The following PREX1 variants were observed in gnomAD, a reference collection of about 807,000 sequenced individuals.
PREX1 encodes the protein phosphatidylinositol-3,4,5-trisphosphate dependent Rac exchange factor 1.
PREX1 carries 41 observed loss-of-function variants against 198.3 expected under a neutral mutation model. The observed-to-expected ratio is 0.21, with a 90% CI of 0.16 to 0.27. The LOEUF (loss-of-function observed/expected upper bound fraction) is 0.27. PREX1 is among the 10% of genes least tolerant of loss of function. PREX1 has a pLI of 1.00. For missense variants in PREX1, 1,620 were observed against 2,200.7 expected, an observed-to-expected ratio of 0.74 and a Z score of 5.28; for synonymous variants, 843 against 887.2, an observed-to-expected ratio of 0.95 and a Z score of 0.89.
At position 48,764,703 on chromosome 20, in the gene PREX1, A is replaced by G. The variant is rs185490544; in HGVS notation, c.220-16823T>C. Among the ~76,000 whole-genome samples the G allele has an allele frequency of 1.9e-3, 281 of 151,788 alleles. 1 individual carries two copies. The highest frequency in any genetic ancestry group is 2.3e-3 in the Non-Finnish European group (154 of 67,920). The stretch of plus-strand genomic sequence containing the variant: ...AGGCTGAGGCGTGAGAATTGCTTGA[A>G]CACGGGAAGCAGTGGTTGCAGTGAG... On this transcript the variant is annotated intron_variant, in intron 1 of 39. Transcript: ENST00000371941.
intron 14 of PREX1, among the ~76,000 whole-genome samples, chr20:48,673,962 G>A (rs181128760): frequency 2.6e-5 from 4 of 152,278 alleles, no homozygotes; most frequent in African/African-American, 9.6e-5. Flanking sequence ...ACTGAGGCCC[G>A]GACAGGCTGA....
At chr20:48,702,113 G>A (rs139222034) in intron 6 of PREX1, among the ~76,000 whole-genome samples, 1 of 151,906 alleles carries the variant, frequency 6.6e-6, no homozygotes, top group African/African-American at 2.4e-5. Context: ...GGAGGCTGAG[G>A]CAGAGAATCG....
At chr20:48,806,936 G>T (rs2090414403) in intron 1 of PREX1, among the ~76,000 whole-genome samples, 1 of 152,202 alleles carries the variant, frequency 6.6e-6, no homozygotes, top group African/African-American at 2.4e-5. Context: ...CTTCTCAGAA[G>T]AGGTATAGGG....
At chr20:48,635,589 C>G (rs528029676) in intron 32 of PREX1, among the ~76,000 whole-genome samples, 1 of 152,366 alleles carries the variant, frequency 6.6e-6, no homozygotes, top group South Asian at 2.1e-4. Context: ...CTTCCTCACA[C>G]TGTCTGCCTG....
chr20:48,671,514 G>A (rs73144032), intron 14 of PREX1, among the ~76,000 whole-genome samples: 23,938 of 152,234 alleles, frequency 0.16, 2,220 homozygotes, highest in Middle Eastern at 0.3. Flanking sequence ...GCAGCCAAAC[G>A]CATGTGTAAC....
chr20:48,874,381 G>A, the PREX1 span, among the ~76,000 whole-genome samples: 493 of 110,876 alleles, frequency 4.4e-3, 3 homozygotes, highest in African/African-American at 0.012. Flanking sequence ...CCGTGTGTGT[G>A]TGTGTGTGTG....
At chr20:48,762,948 C>T (rs550680601) in intron 1 of PREX1, among the ~76,000 whole-genome samples, 128 of 152,330 alleles carry the variant, frequency 8.4e-4, no homozygotes, top group African/African-American at 3.0e-3. Flanking sequence ...GGTGATGCAC[C>T]TGCCTTGGCC....
At chr20:48,793,061 C>G (rs951314232) in intron 1 of PREX1, among the ~76,000 whole-genome samples, 2 of 152,050 alleles carry the variant, frequency 1.3e-5, no homozygotes, top group Admixed American at 1.3e-4. Flanking sequence ...AAAAATTAGC[C>G]TGACATGGTG....
chr20:48,760,365 G>C (rs981258083), intron 1 of PREX1, among the ~76,000 whole-genome samples: 2 of 151,828 alleles, frequency 1.3e-5, no homozygotes, highest in Non-Finnish European at 2.9e-5. Flanking sequence ...GCCTGCTTCC[G>C]AGTCTCCTGA....
chr20:48,819,760 G>A (rs1484431949), intron 1 of PREX1, among the ~76,000 whole-genome samples: 1 of 152,230 alleles, frequency 6.6e-6, no homozygotes, highest in Non-Finnish European at 1.5e-5. Flanking sequence ...GATTCCCTGA[G>A]GGCAGAGACC....
chr20:48,716,611 T>G (rs903346591), intron 5 of PREX1, among the ~76,000 whole-genome samples: 1 of 152,184 alleles, frequency 6.6e-6, no homozygotes, highest in African/African-American at 2.4e-5. Flanking sequence ...AGAGGTCTAC[T>G]GCTTCCACCT....
chr20:48,764,681 C>A (rs571513217), intron 1 of PREX1, among the ~76,000 whole-genome samples: 1 of 150,598 alleles, frequency 6.6e-6, no homozygotes, highest in Non-Finnish European at 1.5e-5. Flanking sequence ...TCTTGGAAGG[C>A]TGAGGCGTGA....
At chr20:48,713,872 A>AAAAAAAAAAAAAAAAAAG (rs1555837405) in intron 5 of PREX1, among the ~76,000 whole-genome samples, 1 of 147,724 alleles carries the variant, frequency 6.8e-6, no homozygotes, top group African/African-American at 2.6e-5. Flanking sequence ...AAAAAAAAAA[A>AAAAAAAAAAAAAAAAAAG]AAAAGAAAAT....
rs188187636 is a variant in PREX1 at position 48,675,835 on chromosome 20, G to A, written c.1665+358C>T. Among the ~76,000 whole-genome samples, 241 of 152,252 alleles carry A rather than the reference G, an allele frequency of 1.6e-3. 1 individual carries two copies. The highest frequency in any genetic ancestry group is 5.4e-3 in the African/African-American group (223 of 41,550). On this transcript the variant is annotated intron_variant, in intron 14 of 39. Transcript: ENST00000371941. ...GGGCAGATCACAAGGTCAGGAGTTC[G>A]AGACCAGCCTGGCCAACACAGTGAA...
the PREX1 span, among the ~76,000 whole-genome samples, chr20:48,874,733 T>C: frequency 6.6e-6 from 1 of 151,634 alleles, no homozygotes; most frequent in South Asian, 2.1e-4. Context: ...AAAAATTAGC[T>C]GGGCATGGTG....
intron 1 of PREX1, among the ~76,000 whole-genome samples, chr20:48,801,079 C>T (rs943472615): frequency 6.6e-6 from 1 of 152,100 alleles, no homozygotes; most frequent in Non-Finnish European, 1.5e-5. Flanking sequence ...AATAAGAATC[C>T]TTCCCTCACA....
At chr20:48,801,762 G>A (rs1425621625) in intron 1 of PREX1, among the ~76,000 whole-genome samples, 3 of 152,204 alleles carry the variant, frequency 2.0e-5, no homozygotes, top group East Asian at 1.9e-4. Flanking sequence ...CCAGTGAGGC[G>A]ATGTTGAGAG....
intron 17 of PREX1, 113 bp from the exon 18 acceptor site, chr20:48,657,301 C>G (rs771961422): frequency 3.7e-5 from 48 of 1,311,004 alleles, no homozygotes; most frequent in Non-Finnish European, 4.8e-5. Context: ...AGGGATCCAG[C>G]AGGACTGGGT....
chr20:48,800,827 T>G (rs1017803540), intron 1 of PREX1, among the ~76,000 whole-genome samples: 1 of 152,086 alleles, frequency 6.6e-6, no homozygotes, highest in Non-Finnish European at 1.5e-5. Context: ...ATATCTAATT[T>G]TTTTTTTTTG....
Sources: gnomAD v4.1 joint callset for allele counts (sites outside exome capture counted in the v4.1 genomes callset) on GRCh38, gnomAD v4.1.1 for gene constraint, MANE v1.5 for transcripts, NCBI Gene and HGNC (gene_info 2026-07-23, HGNC 2026-07-21) for gene names.